The following THADA variants were observed in gnomAD, a reference collection of about 807,000 sequenced individuals.
THADA encodes the protein tRNA (32-2'-O)-methyltransferase regulator THADA.
In THADA, 213 loss-of-function variants were observed where a neutral mutation model predicts 219.8. That is an observed-to-expected ratio of 0.97 (90% CI 0.87 to 1.09). The LOEUF (loss-of-function observed/expected upper bound fraction) is 1.09. Ranked by LOEUF, THADA falls within the 50% of genes least tolerant of loss-of-function variation. The pLI is 0.00. For missense variants in THADA, 2,956 were observed against 2,311.3 expected (o/e 1.28, Z -5.72); for synonymous variants, 1,018 against 828.9 (o/e 1.23, Z -3.92).
At chr2:43,463,189 G>T (rs1171317911) in intron 26 of THADA, 2 of 152,214 alleles carry the variant, frequency 1.3e-5, no homozygotes, top group East Asian at 3.9e-4. Context: ...ATAATTACTT[G>T]ATTTCTCTTG....
chr2:43,365,383 C>A (rs1318033120), intron 29 of THADA, among the ~76,000 whole-genome samples: 2 of 151,760 alleles, frequency 1.3e-5, no homozygotes, highest in Non-Finnish European at 2.9e-5. Context: ...CCAGCGTGGC[C>A]AATAGAGTGA....
chr2:43,591,964 A>C lies in THADA; in HGVS notation c.159T>G (p.His53Gln), dbSNP rs1300388675. 6.5e-7 allele frequency: 1 copy of C among 1,545,180 alleles called. No homozygotes were observed. The highest frequency in any genetic ancestry group is 2.3e-5 in the East Asian group (1 of 42,572). Residue 53 changes from histidine (H) to glutamine (Q), a missense_variant, in exon 3 of 38, where the codon CAT (histidine) becomes CAG (glutamine). Transcript: ENST00000405975. ...VQLTDGVSQIHYIKQIVPLLE... is the reference protein window; with the variant it reads ...VQLTDGVSQIQYIKQIVPLLE... ...AATTCAGACTTACCTGTTTAATATA[A>C]TGGATTTGTGACACTCCATCCGTGA...
chr2:43,504,926 T>C (rs1369318977), intron 24 of THADA, among the ~76,000 whole-genome samples: 1 of 152,192 alleles, frequency 6.6e-6, no homozygotes, highest in Non-Finnish European at 1.5e-5. Context: ...CTATGAAGCA[T>C]TAACTGAGGA....
chr2:43,392,993 A>T (rs1360808141), intron 29 of THADA, among the ~76,000 whole-genome samples: 2 of 152,184 alleles, frequency 1.3e-5, no homozygotes, highest in African/African-American at 2.4e-5. Flanking sequence ...TGGTTACCCA[A>T]GTTTGAGAGG....
chr2:43,561,142 G>C (rs1250553066), intron 15 of THADA, among the ~76,000 whole-genome samples: 6 of 151,658 alleles, frequency 4.0e-5, no homozygotes, highest in Non-Finnish European at 8.8e-5. Context: ...GGAATCTTTT[G>C]GCCCTTCAGG....
At chr2:43,565,357 T>G (rs973522914) in intron 15 of THADA, 1 of 149,244 alleles carries the variant, frequency 6.7e-6, no homozygotes, top group Non-Finnish European at 1.5e-5. Flanking sequence ...GAGAACTGCT[T>G]GAACCCAGGA....
At chr2:43,379,336 G>T (rs1671737852) in intron 29 of THADA, among the ~76,000 whole-genome samples, 1 of 152,058 alleles carries the variant, frequency 6.6e-6, no homozygotes, top group Non-Finnish European at 1.5e-5. Context: ...TAATACAATT[G>T]TAAAAGGAAA....
intron 21 of THADA, among the ~76,000 whole-genome samples, chr2:43,532,144 G>A (rs531490510): frequency 1.3e-5 from 2 of 152,080 alleles, no homozygotes; most frequent in African/African-American, 4.8e-5. Flanking sequence ...AGGCACGGTG[G>A]CTCATGCCTG....
At chr2:43,398,995 G>A (rs1271199626) in intron 28 of THADA, among the ~76,000 whole-genome samples, 1 of 152,124 alleles carries the variant, frequency 6.6e-6, no homozygotes, top group African/African-American at 2.4e-5. Flanking sequence ...ATTCTAGAAA[G>A]GTCATTGTAA....
At chr2:43,563,218 G>A (rs1186188833) in intron 15 of THADA, 2 of 152,184 alleles carry the variant, frequency 1.3e-5, no homozygotes, top group Non-Finnish European at 2.9e-5. Flanking sequence ...AGCTTTTGCT[G>A]CAATGCATAA....
At chr2:43,548,278 G>C (rs1036962899) in intron 20 of THADA, among the ~76,000 whole-genome samples, 11 of 152,190 alleles carry the variant, frequency 7.2e-5, no homozygotes, top group African/African-American at 2.2e-4. Flanking sequence ...TGCCCCTACT[G>C]GGGGGTGCCT....
At position 43,231,141 on chromosome 2, in the gene THADA, G is replaced by A; in HGVS notation, c.5669C>T (p.Pro1890Leu). The part of the protein sequence containing the change: ...HLLSQFFREL[P>L]PAAEFVKTVE... ...TGTCTTCACAAACTCAGCAGCTGGTGGAAGCTCTCTGAAGAACTGAGACAG... is the reference window on the plus strand; with the variant it reads ...TGTCTTCACAAACTCAGCAGCTGGTAGAAGCTCTCTGAAGAACTGAGACAG... The change falls in exon 38 of 38, where the codon CCA (proline) becomes CTA (leucine). Residue 1890 changes from proline to leucine, a missense_variant. Transcript: ENST00000405975. 1.9e-6 allele frequency: 3 copies of A among 1,613,854 alleles called. No individual in the cohort carries two copies. Among genetic ancestry groups the A allele is most frequent in the Non-Finnish European group, 2.5e-6 (3 of 1,179,824 alleles).
intron 28 of THADA, among the ~76,000 whole-genome samples, chr2:43,421,244 AG>A (rs1677681673): frequency 6.6e-6 from 1 of 152,212 alleles, no homozygotes; most frequent in South Asian, 2.1e-4. Context: ...AGTGAAACCA[AG>A]GGGCCAGGGT....
chr2:43,341,684 T>C (rs1667078769), intron 30 of THADA, among the ~76,000 whole-genome samples: 1 of 152,176 alleles, frequency 6.6e-6, no homozygotes, highest in South Asian at 2.1e-4. Flanking sequence ...AGTGTTAGGA[T>C]ACTTGGGACA....
chr2:43,574,215 T>C, intron 11 of THADA, 121 bp downstream of exon 11: 1 of 752,034 alleles, frequency 1.3e-6, no homozygotes, highest in Non-Finnish European at 2.1e-6. Context: ...CTATCATTAA[T>C]CTCTTCCTTT....
intron 36 of THADA, among the ~76,000 whole-genome samples, chr2:43,240,513 C>A (rs1668508550): frequency 6.6e-6 from 1 of 152,188 alleles, no homozygotes; most frequent in African/African-American, 2.4e-5. Flanking sequence ...TCTCAGTCCC[C>A]TACCTCCCCT....
At chr2:43,323,106 A>G (rs1303267507) in intron 30 of THADA, among the ~76,000 whole-genome samples, 3 of 152,126 alleles carry the variant, frequency 2.0e-5, no homozygotes, top group Non-Finnish European at 4.4e-5. Flanking sequence ...TTCTATTAAG[A>G]ACATAGAGAT....
intron 36 of THADA, among the ~76,000 whole-genome samples, chr2:43,253,662 T>C (rs147456936): frequency 6.0e-4 from 92 of 152,310 alleles, no homozygotes; most frequent in South Asian, 4.1e-3. Flanking sequence ...CTAAAAATGC[T>C]GCCCACCTTT....
intron 35 of THADA, among the ~76,000 whole-genome samples, chr2:43,284,551 G>C (rs1268233681): frequency 2.0e-5 from 3 of 152,226 alleles, no homozygotes; most frequent in Non-Finnish European, 4.4e-5. Context: ...AAAACACCCA[G>C]ATGTCCAGGC....
Sources: allele counts gnomAD v4.1 joint callset (sites outside exome capture counted in the v4.1 genomes callset), GRCh38; gene constraint gnomAD v4.1.1; transcripts MANE v1.5; gene names NCBI Gene and HGNC (gene_info 2026-07-23, HGNC 2026-07-21).